The following TBC1D17 variants were observed in gnomAD, a reference collection of about 807,000 sequenced individuals.
TBC1D17 encodes TBC1 domain family member 17, also known as TBC1 domain family, member 17.
In TBC1D17, 69 loss-of-function variants were observed where a neutral mutation model predicts 78.8. That is an observed-to-expected ratio of 0.88 (90% CI 0.72 to 1.07). The LOEUF (loss-of-function observed/expected upper bound fraction) is 1.07. TBC1D17 is among the 50% of genes least tolerant of loss of function. The pLI is 0.00. For missense variants in TBC1D17, 957 were observed against 861.0 expected, an observed-to-expected ratio of 1.11 and a Z score of -1.39; for synonymous variants, 456 against 358.3, an observed-to-expected ratio of 1.27 and a Z score of -3.08.
chr19:49,887,622 C>T (rs2075069208), intron 14 of TBC1D17, 49 bp downstream of exon 14: 2 of 1,611,152 alleles, frequency 1.2e-6, no homozygotes, highest in Non-Finnish European at 1.7e-6. Flanking sequence ...GGCTCACCTG[C>T]CCTGGGAGGT....
rs750289300 is a variant in TBC1D17 at position 49,887,460 on chromosome 19, C to G, written c.1445-16C>G. Reference sequence around the variant, plus strand: ...AGCGCTGGGCAAGGCTGAGTGGGCTCCATGTCATCCCCCAGATTCCCAGGA... The same window carrying G: ...AGCGCTGGGCAAGGCTGAGTGGGCTGCATGTCATCCCCCAGATTCCCAGGA... On this transcript the variant is annotated splice_polypyrimidine_tract_variant and intron_variant, in intron 13 of 16. Transcript: ENST00000221543. The G allele has an allele frequency of 2.5e-6, 4 of 1,612,574 alleles. No homozygotes were observed. Among genetic ancestry groups the G allele is most frequent in the Admixed American group, 1.7e-5 (1 of 59,912 alleles).
At chr19:49,880,459 G>A in intron 4 of TBC1D17, 57 bp downstream of exon 4, 1 of 1,587,250 alleles carries the variant, frequency 6.3e-7, no homozygotes, top group Non-Finnish European at 8.6e-7. Context: ...GACACATCTT[G>A]CCCTCAGTGG....
chr19:49,886,649 A>T (rs1290375604), intron 13 of TBC1D17: 1 of 152,194 alleles, frequency 6.6e-6, no homozygotes, highest in Non-Finnish European at 1.5e-5. Context: ...ACTTCCAAGA[A>T]GTGGAATTTT....
In TBC1D17 at chr19:49,878,180, G is replaced by A; in HGVS notation, c.59G>A (p.Ser20Asn). 2 of 1,576,388 alleles carry A rather than the reference G, an allele frequency of 1.3e-6. No individual in the cohort carries two copies. The highest frequency in any genetic ancestry group is 1.7e-6 in the Non-Finnish European group (2 of 1,161,286). The change falls in exon 2 of 17, where the codon AGC (serine) becomes AAC (asparagine). Residue 20 changes from serine to asparagine, a missense_variant. By Grantham distance (46) the Ser-to-Asn change is conservative. Coordinates refer to ENST00000221543, the MANE Select transcript of TBC1D17 (RefSeq NM_024682.3). ...AAGGGCGGAGTGTACCTGCACACCA[G>A]CGCTAAGAAGTATCAGGACCGAGAC... Reference protein sequence around the residue: ...FEKGGVYLHTSAKKYQDRDSL... With the variant: ...FEKGGVYLHTNAKKYQDRDSL...
intron 2 of TBC1D17, 85 bp downstream of exon 2, chr19:49,878,326 G>C: frequency 7.3e-7 from 1 of 1,377,664 alleles, no homozygotes; most frequent in Non-Finnish European, 1.0e-6. Context: ...TAGGAGTTTG[G>C]TCTGGCGGTC....
At chr19:49,886,091 C>A (rs1397509286) in intron 13 of TBC1D17, among the ~76,000 whole-genome samples, 1 of 151,488 alleles carries the variant, frequency 6.6e-6, no homozygotes, top group African/African-American at 2.4e-5. Flanking sequence ...ACCAGCCTGG[C>A]CAACATGGTG....
Position 49,882,209 on chromosome 19 carries a change from C to T in TBC1D17, c.640-33C>T, listed in dbSNP as rs768168689. 14 of 1,612,494 alleles carry T rather than the reference C, an allele frequency of 8.7e-6. No homozygotes were observed. In the East Asian group the frequency reaches 8.9e-5, roughly 10 times the overall value. On this transcript the variant is annotated intron_variant, in intron 6 of 16. Coordinates refer to ENST00000221543, the MANE Select transcript of TBC1D17 (RefSeq NM_024682.3). Reference sequence around the variant, plus strand: ...GTGGGCAGGGAGGGACGAGAAGGGGCGGGCCGTGACCTCCCTTTGGCCTCG... The same window carrying T: ...GTGGGCAGGGAGGGACGAGAAGGGGTGGGCCGTGACCTCCCTTTGGCCTCG...
chr19:49,884,585 A>G (rs1217133882), intron 12 of TBC1D17, 26 bp downstream of exon 12: 1 of 1,613,330 alleles, frequency 6.2e-7, no homozygotes, highest in East Asian at 2.2e-5. Context: ...GGGGTGGGAC[A>G]CAGGCCTATC....
Position 49,882,855 on chromosome 19 carries a change from A to C in TBC1D17, c.890A>C (p.Gln297Pro). 6.2e-7 allele frequency: 1 copy of C among 1,610,808 alleles called. No individual in the cohort carries two copies. The highest frequency in any genetic ancestry group is 1.7e-5 in the Admixed American group (1 of 59,600). Residue 297 changes from glutamine (Q) to proline (P), a missense_variant, in exon 8 of 17, where the codon CAG (glutamine) becomes CCG (proline). Physicochemically the swap from Gln to Pro is moderately conservative, Grantham distance 76 (BLOSUM62 -1). Transcript: ENST00000221543. ...CACGTGGGCCCTGAAGGTCGCCTGC[A>C]GCAGGTCCCTGAGCTGAAGAACCGG... ...ARHVGPEGRLQQVPELKNRIF... is the reference protein window; with the variant it reads ...ARHVGPEGRLPQVPELKNRIF...
chr19:49,885,974 CAAAAAAAAAAAA>C (rs972298479), intron 13 of TBC1D17, among the ~76,000 whole-genome samples: 1 of 43,540 alleles, frequency 2.3e-5, no homozygotes, highest in Admixed American at 2.5e-4. Context: ...GACCTTGCCT[CAAAAAAAAAAAA>C]AAAAAAAAAA....
rs917552674 is a variant in TBC1D17, at chr19:49,878,578, C to T, written c.195+6C>T. The stretch of plus-strand genomic sequence containing the variant: ...AAATCCTCTTCTCCAAGAAGGTAGG[C>T]TCCACCCGCTTTGCCCTTCTCCACT... On this transcript the variant is annotated splice_donor_region_variant and intron_variant, in intron 3 of 16. Coordinates refer to ENST00000221543, the MANE Select transcript of TBC1D17 (RefSeq NM_024682.3). The T allele has an allele frequency of 1.3e-5, 21 of 1,613,814 alleles. No homozygotes were observed. The African/African-American group carries it at 2.1e-4, about 16-fold the overall frequency.
chr19:49,881,510 G>C, intron 5 of TBC1D17, 35 bp downstream of exon 5: 1 of 1,591,340 alleles, frequency 6.3e-7, no homozygotes, highest in Non-Finnish European at 8.5e-7. Flanking sequence ...CTTAAACCGG[G>C]CCCAGTCCCA....
At chr19:49,888,363 A>G in intron 16 of TBC1D17, 46 bp downstream of exon 16, 1 of 971,552 alleles carries the variant, frequency 1.0e-6, no homozygotes, top group African/African-American at 2.2e-5. Flanking sequence ...ACCCCGACCG[A>G]CCCCCGCCCC....
At position 49,881,320 on chromosome 19, in the gene TBC1D17, G is replaced by T; in HGVS notation, c.372G>T (p.Gly124=). Reference sequence around the variant, plus strand: ...CCTGGGCCTTCTCAGTGAGTCTGGGGGAGCTAAAGTCCATCCGCCGCTCCA... The same window carrying T: ...CCTGGGCCTTCTCAGTGAGTCTGGGTGAGCTAAAGTCCATCCGCCGCTCCA... ...QGSWAFSVSL[G]ELKSIRRSKP... is the part of the protein sequence containing the mutation. The change falls in exon 5 of 17, where the codon GGG becomes GGT. Residue 124 remains glycine (G), a synonymous_variant. Transcript: ENST00000221543. 1.2e-6 allele frequency: 2 copies of T among 1,613,200 alleles called. No individual in the cohort carries two copies. The highest frequency in any genetic ancestry group is 1.7e-5 in the Admixed American group (1 of 60,008).
intron 10 of TBC1D17, 25 bp from the exon 11 acceptor site, chr19:49,884,228 T>C: frequency 1.9e-6 from 3 of 1,607,826 alleles, no homozygotes; most frequent in Non-Finnish European, 2.6e-6. Context: ...TTCTCACCTT[T>C]GCACCCTGTG....
chr19:49,877,945 T>A, intron 1 of TBC1D17, 198 bp from the exon 2 acceptor site: 1 of 656,300 alleles, frequency 1.5e-6, no homozygotes. Context: ...CTCAGGCGAC[T>A]CCTTGAGCCC....
chr19:49,882,497 G>C, intron 7 of TBC1D17, 97 bp downstream of exon 7: 1 of 1,521,168 alleles, frequency 6.6e-7, no homozygotes, highest in Non-Finnish European at 8.8e-7. Flanking sequence ...TTGGTAAAAC[G>C]GGGATGGTAA....
chr19:49,883,805 G>T, intron 10 of TBC1D17, 60 bp downstream of exon 10: 2 of 1,455,722 alleles, frequency 1.4e-6, no homozygotes, highest in Non-Finnish European at 1.9e-6. Context: ...GAGGGCCTCA[G>T]GCATAAGTGC....
At chr19:49,881,210 T>C (rs1473132892) in intron 4 of TBC1D17, 58 bp from the exon 5 acceptor site, 1 of 1,511,892 alleles carries the variant, frequency 6.6e-7, no homozygotes, top group Non-Finnish European at 9.1e-7. Context: ...GGGTTGTGGT[T>C]GATAAGGCTG....
Sources: gnomAD v4.1 joint callset for allele counts (sites outside exome capture counted in the v4.1 genomes callset) on GRCh38, gnomAD v4.1.1 for gene constraint, MANE v1.5 for transcripts, NCBI Gene and HGNC (gene_info 2026-07-23, HGNC 2026-07-21) for gene names.